IGF2R: variants seen among roughly 807,000 people sequenced by gnomAD.
IGF2R encodes insulin like growth factor 2 receptor.
In IGF2R, 91 loss-of-function variants were observed where a neutral mutation model predicts 270.6. That is an observed-to-expected ratio of 0.34 (90% confidence interval 0.28 to 0.40). The LOEUF is 0.40. Ranked by LOEUF, IGF2R falls within the 10% of genes least tolerant of loss-of-function variation. The pLI, the probability that IGF2R is intolerant of heterozygous loss-of-function variation, is 1.00. For synonymous variants in IGF2R, 1,316 were observed against 1,258.9 expected (o/e 1.05, Z -0.96); for missense variants, 2,805 against 3,188.3 (o/e 0.88, Z 2.90).
At chr6:160,056,248 G>C (rs1043910404) in intron 19 of IGF2R, among the ~76,000 whole-genome samples, 176 bp from the exon 20 acceptor site, 1 of 152,220 alleles carries the variant, frequency 6.6e-6, no homozygotes, top group Non-Finnish European at 1.5e-5. Context: ...TTCATAGGGA[G>C]AATGAGAACA....
intron 2 of IGF2R, chr6:160,006,783 A>G (rs932233303): frequency 2.0e-5 from 3 of 152,174 alleles, no homozygotes; most frequent in African/African-American, 7.2e-5. Flanking sequence ...TTAAAAAATT[A>G]GTTGTTTTGT....
At position 160,084,271 on chromosome 6, in the gene IGF2R, C is replaced by G; in HGVS notation, c.6068+87C>G. 1.0e-5 allele frequency: 8 copies of G among 789,982 alleles called. No individual in the cohort carries two copies. Among genetic ancestry groups the G allele is most frequent in the Non-Finnish European group, 1.5e-5 (7 of 464,946 alleles). The allele number at this position is 789,982 out of a possible 1,614,324, so 48.9% of individuals were successfully genotyped here. A position where few individuals can be genotyped will look rare whatever the true frequency, so the allele number is the denominator to read the frequency against. The stretch of plus-strand genomic sequence containing the variant: ...TGACGATGGTTGGCTCTTTTGGGTT[C>G]TCAAGATGGGAATACTATGCCCATG... On this transcript the variant is annotated intron_variant, in intron 40 of 47. Coordinates refer to ENST00000356956, the MANE Select transcript of IGF2R (RefSeq NM_000876.4). This position sits in a 1 kb window ranked among gnomAD's most constrained non-coding sequence, Gnocchi z 4.6.
chr6:159,990,865 T>C (rs960026142), intron 1 of IGF2R, among the ~76,000 whole-genome samples: 1 of 152,180 alleles, frequency 6.6e-6, no homozygotes, highest in Non-Finnish European at 1.5e-5. Flanking sequence ...CCTGACCTCG[T>C]GATCCACCCA....
intron 9 of IGF2R, among the ~76,000 whole-genome samples, chr6:160,033,586 C>T (rs1777749176): frequency 6.6e-6 from 1 of 152,258 alleles, no homozygotes; most frequent in Non-Finnish European, 1.5e-5. Context: ...TGTCACTAAA[C>T]AATCAAATGT....
chr6:160,091,339 C>A (rs888848110), intron 44 of IGF2R, among the ~76,000 whole-genome samples: 1 of 111,430 alleles, frequency 9.0e-6, no homozygotes, highest in African/African-American at 3.3e-5. Flanking sequence ...AGCGCATCGC[C>A]GAGAAGGAGC....
chr6:160,019,138 A>G (rs1019952104), intron 4 of IGF2R, among the ~76,000 whole-genome samples: 4 of 152,184 alleles, frequency 2.6e-5, no homozygotes, highest in Admixed American at 1.3e-4. Context: ...AAAAAAGATC[A>G]TAAGAGACTT....
At chr6:159,980,052 G>T (rs2115171694) in intron 1 of IGF2R, among the ~76,000 whole-genome samples, 1 of 152,124 alleles carries the variant, frequency 6.6e-6, no homozygotes. Context: ...GCGGTGGCGG[G>T]CGCCTGTAGT....
chr6:160,073,962 A>G lies in IGF2R; in HGVS notation c.5153A>G (p.Asp1718Gly). ...AGAAVCKVPI[D>G]GPPIDIGRVA... ...GCCGCTGTGTGCAAAGTTCCTATTGATGGTCCCCCCATAGTAAGTATGACA... is the reference window on the plus strand; with the variant it reads ...GCCGCTGTGTGCAAAGTTCCTATTGGTGGTCCCCCCATAGTAAGTATGACA... The change falls in exon 35 of 48, where the codon GAT becomes GGT. Residue 1718 changes from aspartate (D) to glycine (G), a missense_variant. By Grantham distance (94) the Asp-to-Gly change is moderately conservative (BLOSUM62 -1). Around this residue, in one of 2 missense-constraint regions of IGF2R, gnomAD observed 1,851 missense variants for 2,207.2 expected, o/e 0.84. Transcript: ENST00000356956. 6.2e-7 allele frequency: 1 copy of G among 1,611,950 alleles called. No homozygotes were observed. Among genetic ancestry groups the G allele is most frequent in the East Asian group, 2.2e-5 (1 of 44,870 alleles).
At chr6:160,077,348 C>T (rs903257986) in intron 36 of IGF2R, among the ~76,000 whole-genome samples, 6 of 152,162 alleles carry the variant, frequency 3.9e-5, no homozygotes, top group African/African-American at 1.4e-4. Context: ...GCATTAAGTT[C>T]TTCGTTCTTT....
intron 7 of IGF2R, among the ~76,000 whole-genome samples, chr6:160,031,554 T>C (rs1294571753): frequency 1.3e-5 from 2 of 152,272 alleles, no homozygotes; most frequent in East Asian, 3.9e-4. Flanking sequence ...GGATGTTTTA[T>C]GTCAGGAGAA....
chr6:160,028,038 G>A (rs745660873), intron 6 of IGF2R, among the ~76,000 whole-genome samples: 3 of 152,124 alleles, frequency 2.0e-5, no homozygotes, highest in Non-Finnish European at 4.4e-5. Flanking sequence ...AAAAGTGTTT[G>A]GAATTTTCTA....
chr6:160,032,488 A>G, intron 7 of IGF2R, 63 bp from the exon 8 acceptor site: 2 of 1,478,288 alleles, frequency 1.4e-6, no homozygotes, highest in Non-Finnish European at 1.9e-6. Context: ...ATAAGTGTGG[A>G]AAATCTGCAT....
chr6:160,082,413 G>A (rs553187786), intron 39 of IGF2R, among the ~76,000 whole-genome samples: 63 of 151,864 alleles, frequency 4.1e-4, no homozygotes, highest in African/African-American at 1.5e-3. Flanking sequence ...GGTTTCAAGT[G>A]ATACTCCTGC....
intron 4 of IGF2R, among the ~76,000 whole-genome samples, chr6:160,023,828 G>A (rs1365663739): frequency 1.3e-5 from 2 of 152,210 alleles, no homozygotes; most frequent in Non-Finnish European, 2.9e-5. Context: ...AAGGGATTGG[G>A]TGTAGACAGG....
rs879183308 is a variant in IGF2R at position 160,068,063 on chromosome 6, GGGGTGTGTGT to G, written c.4116-184_4116-175del. On this transcript the variant is annotated intron_variant, in intron 29 of 47. Transcript: ENST00000356956. Reference sequence around the variant, plus strand: ...GTTATGTTGTTGCTGATTCTGATGGGGGGTGTGTGTGTGTGTGTGTGTGTGTGTGTGTGTG... The same window carrying G: ...GTTATGTTGTTGCTGATTCTGATGGGGTGTGTGTGTGTGTGTGTGTGTGTG... Among the ~76,000 whole-genome samples, 284 of 95,238 alleles carry G rather than the reference GGGGTGTGTGT, an allele frequency of 3.0e-3. 3 individuals are homozygous for G. The highest frequency in any genetic ancestry group is 0.026 in the Middle Eastern group (6 of 230). 62.5% of individuals were successfully genotyped at this position (95,238 alleles called of 152,430 possible).
At chr6:159,972,177 A>G (rs1238405763) in intron 1 of IGF2R, among the ~76,000 whole-genome samples, 4 of 152,052 alleles carry the variant, frequency 2.6e-5, no homozygotes, top group Non-Finnish European at 4.4e-5. Context: ...GTTAAGCTCC[A>G]TTTTAATTTT....
intron 9 of IGF2R, among the ~76,000 whole-genome samples, chr6:160,033,468 G>T (rs886646203): frequency 1.3e-5 from 2 of 152,216 alleles, no homozygotes; most frequent in African/African-American, 4.8e-5. Context: ...GTGTATTCTT[G>T]TGAAACATAA....
At chr6:159,987,537 G>C (rs556315709) in intron 1 of IGF2R, among the ~76,000 whole-genome samples, 16 of 152,012 alleles carry the variant, frequency 1.1e-4, no homozygotes, top group Admixed American at 1.0e-3. Context: ...GACTATAGGC[G>C]TGCACCACCA....
At chr6:159,989,100 G>T (rs1348468640) in intron 1 of IGF2R, among the ~76,000 whole-genome samples, 1 of 152,130 alleles carries the variant, frequency 6.6e-6, no homozygotes, top group African/African-American at 2.4e-5. Context: ...GAGTACCCCA[G>T]CCTGCTCTTC....
Sources: allele counts gnomAD v4.1 joint callset (sites outside exome capture counted in the v4.1 genomes callset), GRCh38; gene constraint gnomAD v4.1.1; regional missense constraint gnomAD v4.1.1; non-coding constraint Gnocchi (gnomAD v3.1); transcripts MANE v1.5; gene names NCBI Gene and HGNC (gene_info 2026-07-23, HGNC 2026-07-21).